The following CLOCK variants were observed in gnomAD, a reference collection of about 807,000 sequenced individuals.
CLOCK encodes circadian locomoter output cycles protein kaput.
CLOCK carries 43 observed loss-of-function variants against 118.4 expected under a neutral mutation model. The observed-to-expected ratio is 0.36, with a 90% CI of 0.28 to 0.47. CLOCK has a LOEUF of 0.47. CLOCK is among the 20% of genes least tolerant of loss of function. The pLI is 1.00. For synonymous variants in CLOCK, 326 were observed against 339.2 expected (o/e 0.96, Z 0.43); for missense variants, 846 against 999.9 (o/e 0.85, Z 2.08).
At chr4:55,537,036 A>C (rs1415870698) in intron 1 of CLOCK, among the ~76,000 whole-genome samples, 1 of 152,340 alleles carries the variant, frequency 6.6e-6, no homozygotes, top group East Asian at 1.9e-4. Context: ...ATCTCATTAC[A>C]ATGGAATTAA....
intron 6 of CLOCK, 65 bp from the exon 7 acceptor site, chr4:55,476,119 G>T: frequency 9.8e-7 from 1 of 1,024,026 alleles, no homozygotes; most frequent in Non-Finnish European, 1.5e-6. Flanking sequence ...AGCCCTACAA[G>T]TTATCTTGTC....
chr4:55,529,565 T>G (rs1239535027), intron 1 of CLOCK, among the ~76,000 whole-genome samples: 1 of 152,202 alleles, frequency 6.6e-6, no homozygotes, highest in Non-Finnish European at 1.5e-5. Flanking sequence ...AAAGGACTAC[T>G]GAAGATACCG....
chr4:55,540,000 G>A (rs1257871448), intron 1 of CLOCK, among the ~76,000 whole-genome samples: 1 of 125,152 alleles, frequency 8.0e-6, no homozygotes, highest in African/African-American at 3.2e-5. Flanking sequence ...GATCTCCAAT[G>A]ATATTAATTT....
At chr4:55,527,226 T>C (rs1019561537) in intron 1 of CLOCK, among the ~76,000 whole-genome samples, 4 of 152,166 alleles carry the variant, frequency 2.6e-5, no homozygotes, top group African/African-American at 9.7e-5. Flanking sequence ...TGGAATATAC[T>C]TCAAAATAGT....
At chr4:55,535,911 G>A (rs549655475) in intron 1 of CLOCK, among the ~76,000 whole-genome samples, 1 of 151,848 alleles carries the variant, frequency 6.6e-6, no homozygotes, top group African/African-American at 2.4e-5. Context: ...CCTAATTATT[G>A]CTTGGGTTAG....
chr4:55,523,810 T>C (rs779087738), intron 1 of CLOCK, among the ~76,000 whole-genome samples: 21 of 152,152 alleles, frequency 1.4e-4, no homozygotes, highest in South Asian at 4.1e-4. Flanking sequence ...ATAAAAAAAA[T>C]TGAAGAAGTT....
chr4:55,490,645 C>G (rs566001111), intron 2 of CLOCK, among the ~76,000 whole-genome samples: 1 of 152,132 alleles, frequency 6.6e-6, no homozygotes, highest in African/African-American at 2.4e-5. Context: ...CTCCCCTATA[C>G]TTTAAATCAT....
intron 1 of CLOCK, among the ~76,000 whole-genome samples, chr4:55,536,095 T>G (rs187856258): frequency 1.3e-5 from 2 of 152,110 alleles, no homozygotes; most frequent in South Asian, 2.1e-4. Flanking sequence ...CTCAGCATAC[T>G]TGCTGAATTT....
chr4:55,460,823 A>G (rs1725281376), intron 9 of CLOCK, among the ~76,000 whole-genome samples: 2 of 152,026 alleles, frequency 1.3e-5, no homozygotes, highest in Admixed American at 6.6e-5. Flanking sequence ...AAATCTATCT[A>G]TCTTCAACCT....
intron 2 of CLOCK, among the ~76,000 whole-genome samples, chr4:55,507,242 G>C (rs976393540): frequency 1.3e-5 from 2 of 152,120 alleles, no homozygotes; most frequent in African/African-American, 4.8e-5. Context: ...TTGAGCCTGG[G>C]AGATGCAGTG....
chr4:55,543,572 G>T (rs1253039856), intron 1 of CLOCK, among the ~76,000 whole-genome samples: 1 of 152,164 alleles, frequency 6.6e-6, no homozygotes, highest in Admixed American at 6.5e-5. Context: ...GCTAGAAGTG[G>T]ATGTAAAGGG....
chr4:55,427,994 T>TGA lies in CLOCK; in HGVS notation c.*7420_*7421insTC, dbSNP rs1722306624. ...TGTGCCACATGAAGCAGGTGTTATT[T>TGA]TTTGAGAAATGCAGGTGATAACTGA... On this transcript the variant is annotated 3_prime_UTR_variant, in exon 23 of 23. Coordinates refer to ENST00000513440, the MANE Select transcript of CLOCK (RefSeq NM_004898.4). 1.3e-5 allele frequency: 2 copies of TGA among 152,336 alleles called. No individual in the cohort carries two copies. The highest frequency in any genetic ancestry group is 1.3e-4 in the Admixed American group (2 of 15,298). The allele number at this position is 152,336 out of a possible 1,614,324, so 9.4% of individuals were successfully genotyped here. A position where few individuals can be genotyped will look rare whatever the true frequency, so the allele number is the denominator to read the frequency against.
At chr4:55,463,564 A>G (rs1353011271) in intron 9 of CLOCK, 121 bp downstream of exon 9, 9 of 803,790 alleles carry the variant, frequency 1.1e-5, no homozygotes, top group Non-Finnish European at 1.8e-5. Context: ...TTGAAAAAGG[A>G]CCTAATAGGG....
chr4:55,514,282 A>T (rs1729343014), intron 1 of CLOCK, among the ~76,000 whole-genome samples: 1 of 152,064 alleles, frequency 6.6e-6, no homozygotes, highest in Non-Finnish European at 1.5e-5. Flanking sequence ...TTAATCTTCC[A>T]TTCATATCCC....
chr4:55,526,993 T>TA (rs1347313160), intron 1 of CLOCK, among the ~76,000 whole-genome samples: 2,039 of 126,334 alleles, frequency 0.016, 40 homozygotes, highest in African/African-American at 0.048. Context: ...AGGCAACAAT[T>TA]AAAAAAAAAA....
intron 18 of CLOCK, among the ~76,000 whole-genome samples, chr4:55,445,105 T>TCCCGG (rs147009588): frequency 4.4e-4 from 60 of 137,066 alleles, no homozygotes; most frequent in East Asian, 1.3e-3. Context: ...ACGGGAAGCT[T>TCCCGG]TTAATATTTT....
In CLOCK at chr4:55,521,418, G is replaced by A. The variant is rs539709984; in HGVS notation, c.-289-11353C>T. 5.9e-5 allele frequency among the ~76,000 whole-genome samples: 9 copies of A among 152,290 alleles called. No individual in the cohort carries two copies. The South Asian group carries it at 6.2e-4, about 11-fold the overall frequency. On this transcript the variant is annotated intron_variant, in intron 1 of 22. Transcript: ENST00000513440. Reference sequence around the variant, plus strand: ...TATTTAGCAGAGACGGGGTTTCACCGTGTTAGTCACACCGGTCTTGAACTC... The same window carrying A: ...TATTTAGCAGAGACGGGGTTTCACCATGTTAGTCACACCGGTCTTGAACTC...
At chr4:55,506,283 A>G (rs1192015211) in intron 2 of CLOCK, among the ~76,000 whole-genome samples, 1 of 152,042 alleles carries the variant, frequency 6.6e-6, no homozygotes, top group Non-Finnish European at 1.5e-5. Context: ...CCTAGGTTCA[A>G]ATGATCTTCC....
At chr4:55,477,203 A>T (rs111513118) in intron 6 of CLOCK, among the ~76,000 whole-genome samples, 5,121 of 152,134 alleles carry the variant, frequency 0.034, 104 homozygotes, top group Non-Finnish European at 0.054. Context: ...AGAATTATGT[A>T]TCTGATTTTG....
Sources: gnomAD v4.1 joint callset for allele counts (sites outside exome capture counted in the v4.1 genomes callset) on GRCh38, gnomAD v4.1.1 for gene constraint, MANE v1.5 for transcripts, NCBI Gene and HGNC (gene_info 2026-07-23, HGNC 2026-07-21) for gene names.